STOX2: variants seen among roughly 807,000 people sequenced by gnomAD.
STOX2 encodes storkhead box 2.
Under a neutral mutation model 60.9 loss-of-function variants are expected in STOX2, and 28 were observed. The ratio of observed to expected loss-of-function variants is 0.46; its 90% CI spans 0.34 to 0.63. The LOEUF is 0.63. Ranked by LOEUF, STOX2 falls within the 30% of genes least tolerant of loss-of-function variation. The probability of loss-of-function intolerance (pLI) is 0.01; values close to 1 mark genes in which losing one functional copy is unlikely to be tolerated. For missense variants in STOX2, 1,024 were observed against 1,187.7 expected, an observed-to-expected ratio of 0.86 and a Z score of 2.03; for synonymous variants, 472 against 463.9, an observed-to-expected ratio of 1.02 and a Z score of -0.22.
chr4:183,942,790 G>A (rs954914320), intron 1 of STOX2, among the ~76,000 whole-genome samples: 2 of 152,168 alleles, frequency 1.3e-5, no homozygotes, highest in South Asian at 2.1e-4. Context: ...TCTATATCAT[G>A]TGCTTTAAAA....
chr4:183,932,011 G>T (rs1268119121), intron 1 of STOX2, among the ~76,000 whole-genome samples: 1 of 152,168 alleles, frequency 6.6e-6, no homozygotes, highest in Non-Finnish European at 1.5e-5. Flanking sequence ...GAAGGAGACA[G>T]CGTGGAGCAG....
At chr4:183,928,988 GT>G (rs1742327881) in intron 1 of STOX2, among the ~76,000 whole-genome samples, 1 of 152,204 alleles carries the variant, frequency 6.6e-6, no homozygotes. Flanking sequence ...TGAAATACTT[GT>G]AACACAAGCC....
chr4:183,800,978 C>T (rs1317479211), intron 1 of STOX2, among the ~76,000 whole-genome samples: 3 of 152,226 alleles, frequency 2.0e-5, no homozygotes, highest in African/African-American at 4.8e-5. Flanking sequence ...GGCAAACCTA[C>T]ACTTTCACAG....
chr4:183,932,464 T>C (rs1405127918), intron 1 of STOX2, among the ~76,000 whole-genome samples: 10 of 135,464 alleles, frequency 7.4e-5, no homozygotes, highest in Non-Finnish European at 1.5e-4. Context: ...ATACATACAG[T>C]ATATGTATGT....
At chr4:183,875,680 G>C (rs965420257) in intron 1 of STOX2, among the ~76,000 whole-genome samples, 7 of 152,236 alleles carry the variant, frequency 4.6e-5, no homozygotes, top group Non-Finnish European at 8.8e-5. Flanking sequence ...CTTAAAACCT[G>C]GGTCTTGAGA....
At chr4:183,874,945 AAAAAAAAATATATATATATATATAT>A (rs1740783274) in intron 1 of STOX2, among the ~76,000 whole-genome samples, 1 of 87,748 alleles carries the variant, frequency 1.1e-5, no homozygotes, top group Non-Finnish European at 2.2e-5. Context: ...AAAAAAAAAA[AAAAAAAAATATATATATATATATAT>A]ATATATATAT....
intron 1 of STOX2, among the ~76,000 whole-genome samples, chr4:183,866,084 A>G (rs985398243): frequency 6.6e-6 from 1 of 152,142 alleles, no homozygotes; most frequent in Non-Finnish European, 1.5e-5. Context: ...AAGGGGAGAA[A>G]GATACACGTG....
intron 2 of STOX2, among the ~76,000 whole-genome samples, chr4:184,007,003 G>T (rs1316472639): frequency 3.8e-5 from 4 of 106,234 alleles, no homozygotes; most frequent in Non-Finnish European, 6.9e-5. Flanking sequence ...GCGACAGAGC[G>T]AGACTCTGTC....
chr4:183,870,916 T>A (rs1175322985), intron 1 of STOX2, among the ~76,000 whole-genome samples: 1 of 152,228 alleles, frequency 6.6e-6, no homozygotes, highest in East Asian at 1.9e-4. Context: ...AATGTAAAAA[T>A]GTTCTTGCTT....
chr4:183,931,061 C>T (rs1368358364), intron 1 of STOX2, among the ~76,000 whole-genome samples: 1 of 152,058 alleles, frequency 6.6e-6, no homozygotes, highest in Non-Finnish European at 1.5e-5. Flanking sequence ...CAAAGCCTAG[C>T]TTGTTGAGTA....
chr4:183,928,256 C>T (rs1049575939), intron 1 of STOX2, among the ~76,000 whole-genome samples: 1 of 152,082 alleles, frequency 6.6e-6, no homozygotes, highest in Non-Finnish European at 1.5e-5. Context: ...CCCTTCTGTT[C>T]ATCTCTGCAC....
At chr4:183,828,313 G>C (rs1034592473) in intron 1 of STOX2, among the ~76,000 whole-genome samples, 1 of 152,168 alleles carries the variant, frequency 6.6e-6, no homozygotes, top group African/African-American at 2.4e-5. Flanking sequence ...GTGACACAGC[G>C]GTAGAGTCTT....
At chr4:183,935,528 C>T (rs1288012411) in intron 1 of STOX2, among the ~76,000 whole-genome samples, 1 of 152,208 alleles carries the variant, frequency 6.6e-6, no homozygotes, top group East Asian at 1.9e-4. Flanking sequence ...GGCTGAAGAT[C>T]AGAGGCAGGG....
intron 1 of STOX2, among the ~76,000 whole-genome samples, chr4:183,847,734 G>A (rs998856838): frequency 3.3e-5 from 5 of 152,128 alleles, no homozygotes; most frequent in African/African-American, 7.2e-5. Context: ...TCACCTGGCC[G>A]CTGTAAACCT....
At chr4:183,921,006 T>C (rs1290781591) in intron 1 of STOX2, among the ~76,000 whole-genome samples, 1 of 152,256 alleles carries the variant, frequency 6.6e-6, no homozygotes, top group South Asian at 2.1e-4. Context: ...TTACTCATTT[T>C]CTCTTGTATT....
At chr4:183,802,842 C>T (rs1249183294) in intron 1 of STOX2, among the ~76,000 whole-genome samples, 1 of 152,188 alleles carries the variant, frequency 6.6e-6, no homozygotes, top group Admixed American at 6.5e-5. Flanking sequence ...GTGATGGTCT[C>T]GATCTCCTGA....
chr4:183,993,916 G>A (rs758154113), intron 1 of STOX2, among the ~76,000 whole-genome samples: 2 of 152,222 alleles, frequency 1.3e-5, no homozygotes, highest in Non-Finnish European at 2.9e-5. Flanking sequence ...CTTCAAGAGA[G>A]CGCATAGGAA....
At chr4:183,811,722 T>C (rs1178154553) in intron 1 of STOX2, among the ~76,000 whole-genome samples, 1 of 152,212 alleles carries the variant, frequency 6.6e-6, no homozygotes, top group East Asian at 1.9e-4. Flanking sequence ...ATGTTTCCTG[T>C]GAAAAAAGTT....
At chr4:183,872,389 G>C (rs1180160361) in intron 1 of STOX2, among the ~76,000 whole-genome samples, 1 of 152,032 alleles carries the variant, frequency 6.6e-6, no homozygotes, top group Non-Finnish European at 1.5e-5. Context: ...CAAGATGACT[G>C]CCTTATTCGA....
Sources: allele counts gnomAD v4.1 joint callset (sites outside exome capture counted in the v4.1 genomes callset), GRCh38; gene constraint gnomAD v4.1.1; transcripts MANE v1.5; gene names NCBI Gene and HGNC (gene_info 2026-07-23, HGNC 2026-07-21).